Variants in SDK1 observed in about 807,000 individuals in gnomAD.
SDK1 encodes the protein sidekick cell adhesion molecule 1.
A neutral mutation model predicts 245.5 loss-of-function variants in SDK1; 157 were observed. The ratio of observed to expected loss-of-function variants is 0.64; its 90% confidence interval spans 0.56 to 0.73. The LOEUF (loss-of-function observed/expected upper bound fraction) is 0.73. SDK1 is among the 30% of genes least tolerant of loss of function. The probability of loss-of-function intolerance (pLI) is 0.00; values close to 1 mark genes in which losing one functional copy is unlikely to be tolerated. For missense variants in SDK1, 3,583 were observed against 3,002.3 expected (o/e 1.19, Z -4.52); for synonymous variants, 1,647 against 1,278.5 (o/e 1.29, Z -6.15).
chr7:3,609,779 C>T (rs1375472876), intron 1 of SDK1, among the ~76,000 whole-genome samples: 1 of 151,194 alleles, frequency 6.6e-6, no homozygotes, highest in Admixed American at 6.6e-5. Context: ...TGGCTCACTG[C>T]AACCTTTGCC....
intron 5 of SDK1, among the ~76,000 whole-genome samples, chr7:3,942,491 C>G (rs1562554193): frequency 6.6e-6 from 1 of 152,148 alleles, no homozygotes; most frequent in South Asian, 2.1e-4. Context: ...TCAAAAAATA[C>G]TATGATAGGA....
In SDK1 at chr7:4,092,871, C is replaced by T. The variant is rs535256272; in HGVS notation, c.3324+13287C>T. ...GGAGAGCAGCAGAGCAGGGCAGGGACGAAAGCTCCCACCACAACACTCTCT... is the reference window on the plus strand; with the variant it reads ...GGAGAGCAGCAGAGCAGGGCAGGGATGAAAGCTCCCACCACAACACTCTCT... On this transcript the variant is annotated intron_variant, in intron 22 of 44. Coordinates refer to ENST00000404826, the MANE Select transcript of SDK1 (RefSeq NM_152744.4). Among the ~76,000 whole-genome samples the T allele has an allele frequency of 3.1e-4, 47 of 152,256 alleles. 1 individual carries two copies. The South Asian group carries it at 7.3e-3, about 24-fold the overall frequency.
chr7:3,686,980 C>A (rs1464529003), intron 4 of SDK1, among the ~76,000 whole-genome samples: 2 of 150,986 alleles, frequency 1.3e-5, no homozygotes, highest in African/African-American at 4.9e-5. Flanking sequence ...GGAACTTCAA[C>A]TTGATCTGCA....
chr7:3,459,888 CTCT>C (rs1562499012), intron 1 of SDK1, among the ~76,000 whole-genome samples: 1 of 152,192 alleles, frequency 6.6e-6, no homozygotes, highest in African/African-American at 2.4e-5. Flanking sequence ...GAGAAGGTAT[CTCT>C]CGTGTTTATT....
At chr7:3,307,246 A>T (rs1257986498) in intron 1 of SDK1, among the ~76,000 whole-genome samples, 1 of 152,042 alleles carries the variant, frequency 6.6e-6, no homozygotes, top group Non-Finnish European at 1.5e-5. Flanking sequence ...TTTTTTTAAA[A>T]AAAGGGCATA....
chr7:4,083,419 A>C (rs1781190691), intron 22 of SDK1, among the ~76,000 whole-genome samples: 1 of 151,884 alleles, frequency 6.6e-6, no homozygotes, highest in South Asian at 2.1e-4. Flanking sequence ...TGCATTGGAG[A>C]TGCACCTGGT....
intron 5 of SDK1, among the ~76,000 whole-genome samples, chr7:3,949,384 C>T (rs1780706723): frequency 1.3e-5 from 2 of 152,232 alleles, no homozygotes; most frequent in African/African-American, 2.4e-5. Flanking sequence ...GAGCACAGAG[C>T]TGTGGGAAAT....
intron 1 of SDK1, among the ~76,000 whole-genome samples, chr7:3,436,912 C>A (rs7807993): frequency 0.18 from 26,774 of 151,952 alleles, 2,357 homozygotes; most frequent in South Asian, 0.22. Flanking sequence ...TGTATCTTTA[C>A]CTCATTATTT....
intron 1 of SDK1, among the ~76,000 whole-genome samples, chr7:3,453,075 C>T (rs372603892): frequency 1.0e-3 from 158 of 152,244 alleles, no homozygotes; most frequent in African/African-American, 3.6e-3. Flanking sequence ...GACCCTGTGT[C>T]ACAGCACCAT....
At chr7:3,516,417 T>C (rs2128613107) in intron 1 of SDK1, among the ~76,000 whole-genome samples, 1 of 152,268 alleles carries the variant, frequency 6.6e-6, no homozygotes. Flanking sequence ...CTTTTATAAT[T>C]TGAATTACTT....
At chr7:3,877,285 C>T (rs1472601189) in intron 5 of SDK1, among the ~76,000 whole-genome samples, 1 of 152,226 alleles carries the variant, frequency 6.6e-6, no homozygotes, top group East Asian at 1.9e-4. Flanking sequence ...TTCCTCCACA[C>T]TTGAGGCCAA....
intron 4 of SDK1, among the ~76,000 whole-genome samples, chr7:3,808,142 T>A (rs1779296807): frequency 6.6e-6 from 1 of 152,134 alleles, no homozygotes; most frequent in Non-Finnish European, 1.5e-5. Flanking sequence ...GGGATGACCG[T>A]GAGGGCTAGG....
chr7:3,451,606 A>G (rs1780516732), intron 1 of SDK1, among the ~76,000 whole-genome samples: 1 of 151,920 alleles, frequency 6.6e-6, no homozygotes, highest in Non-Finnish European at 1.5e-5. Flanking sequence ...ACTATGTGAG[A>G]TATTTTTATC....
intron 14 of SDK1, among the ~76,000 whole-genome samples, chr7:3,989,961 C>G (rs991488573): frequency 6.6e-6 from 1 of 152,196 alleles, no homozygotes; most frequent in Admixed American, 6.5e-5. Context: ...GATGGGATCC[C>G]TGTGCTGTCT....
chr7:3,883,561 C>A (rs1042740402), intron 5 of SDK1, among the ~76,000 whole-genome samples: 30 of 152,294 alleles, frequency 2.0e-4, no homozygotes, highest in South Asian at 8.3e-4. Flanking sequence ...TGGGGACCAA[C>A]AGAAGACTTT....
In SDK1 at chr7:3,569,235, C is replaced by T. The variant is rs532791063; in HGVS notation, c.299-49845C>T. Among the ~76,000 whole-genome samples the T allele has an allele frequency of 2.6e-5, 4 of 152,034 alleles. No homozygotes were observed. The East Asian group carries it at 5.8e-4, about 22-fold the overall frequency. ...TAGAAGCGAGAAAAACAAGGAAAAA[C>T]AGAAGTCGGAATTCAAACGAGAACC... On this transcript the variant is annotated intron_variant, in intron 1 of 44. Transcript: ENST00000404826.
intron 4 of SDK1, among the ~76,000 whole-genome samples, chr7:3,794,978 T>G (rs1778926604): frequency 6.6e-6 from 1 of 152,042 alleles, no homozygotes; most frequent in Non-Finnish European, 1.5e-5. Flanking sequence ...ACTATTACAG[T>G]ATTAAGGACG....
chr7:3,964,676 A>C (rs1781962157), intron 9 of SDK1, among the ~76,000 whole-genome samples: 1 of 152,082 alleles, frequency 6.6e-6, no homozygotes, highest in East Asian at 1.9e-4. Flanking sequence ...GAATCTAGTG[A>C]TTATGGAATT....
At position 3,835,587 on chromosome 7, in the gene SDK1, A is replaced by G. The variant is rs367929583; in HGVS notation, c.847+14004A>G. On this transcript the variant is annotated intron_variant, in intron 5 of 44. Coordinates refer to ENST00000404826, the MANE Select transcript of SDK1 (RefSeq NM_152744.4). ...CCTTCTATGTTTTCAGCTCTTACCT[A>G]TCCTATCCTGAACTCTTAGCATAAG... Among the ~76,000 whole-genome samples, 332 of 152,242 alleles carry G rather than the reference A, an allele frequency of 2.2e-3. 6 individuals carry two copies. The South Asian group carries it at 0.029, about 13-fold the overall frequency.
Sources: gnomAD v4.1 joint callset for allele counts (sites outside exome capture counted in the v4.1 genomes callset) on GRCh38, gnomAD v4.1.1 for gene constraint, MANE v1.5 for transcripts, NCBI Gene and HGNC (gene_info 2026-07-23, HGNC 2026-07-21) for gene names.